The following PDE8B variants were observed in gnomAD, a reference collection of about 807,000 sequenced individuals.
PDE8B encodes the protein phosphodiesterase 8B, also known as high affinity cAMP-specific and IBMX-insensitive 3',5'-cyclic phosphodiesterase 8B.
In PDE8B, 26 loss-of-function variants were observed where a neutral mutation model predicts 101.3. The observed-to-expected ratio is 0.26, with a 90% CI of 0.19 to 0.36. The LOEUF (loss-of-function observed/expected upper bound fraction) is 0.36. Among genes scored for constraint, PDE8B ranks in the 10% least tolerant of loss-of-function variants. PDE8B has a pLI of 1.00. For missense variants in PDE8B, 810 were observed against 1,163.1 expected, an observed-to-expected ratio of 0.70 and a Z score of 4.42; for synonymous variants, 424 against 429.3, an observed-to-expected ratio of 0.99 and a Z score of 0.15.
the PDE8B span, among the ~76,000 whole-genome samples, chr5:77,182,539 C>G: frequency 2.0e-5 from 3 of 152,138 alleles, no homozygotes; most frequent in Non-Finnish European, 4.4e-5. Context: ...AAGCCCCACA[C>G]TAACCCCTCA....
chr5:77,425,753 GTT>G lies in PDE8B; in HGVS notation c.2419-9_2419-8del. The G allele has an allele frequency of 6.2e-7, 1 of 1,613,648 alleles. No homozygotes were observed. The highest frequency in any genetic ancestry group is 1.1e-5 in the South Asian group (1 of 91,068). ...GCATGTCCTCCAGCCCTATGTGGTG[GTT>G]TTTTCTTACAGACTGATGAAGAGAA... On this transcript the variant is annotated splice_polypyrimidine_tract_variant and intron_variant, in intron 20 of 21. Coordinates refer to ENST00000264917, the MANE Select transcript of PDE8B (RefSeq NM_003719.5).
intron 1 of PDE8B, among the ~76,000 whole-genome samples, chr5:77,244,219 G>A (rs1228283218): frequency 1.3e-5 from 2 of 152,074 alleles, no homozygotes; most frequent in South Asian, 2.1e-4. Flanking sequence ...GGGGTAAACC[G>A]GTGGCAGCAG....
At chr5:77,310,673 C>T (rs551918609) in intron 1 of PDE8B, among the ~76,000 whole-genome samples, 2 of 152,262 alleles carry the variant, frequency 1.3e-5, no homozygotes, top group African/African-American at 4.8e-5. Flanking sequence ...GAACAGGCAT[C>T]CTTGCCCTCC....
At chr5:77,122,521 A>G in the PDE8B span, among the ~76,000 whole-genome samples, 2 of 152,222 alleles carry the variant, frequency 1.3e-5, no homozygotes, top group African/African-American at 4.8e-5. Flanking sequence ...GGCTCATTTG[A>G]TGGGAAATGC....
Position 77,421,964 on chromosome 5 carries a change from G to A in PDE8B, c.2394G>A (p.Arg798=). Residue 798 remains arginine (R), a synonymous_variant, in exon 20 of 22, where the codon AGG becomes AGA. Transcript: ENST00000264917. ...PLDLCIEWAG[R]ISEEYFAQTD... ...ACCTGTGCATTGAATGGGCTGGGAG[G>A]ATCTCTGAGGAGTATTTTGCACAGG... is the stretch of plus-strand genomic sequence containing the variant. 6.2e-6 allele frequency: 10 copies of A among 1,614,200 alleles called. No individual in the cohort carries two copies. Among genetic ancestry groups the A allele is most frequent in the Non-Finnish European group, 6.8e-6 (8 of 1,180,030 alleles).
intron 10 of PDE8B, among the ~76,000 whole-genome samples, chr5:77,374,958 TACACACAC>T (rs151289447): frequency 4.0e-5 from 6 of 150,468 alleles, no homozygotes; most frequent in African/African-American, 1.5e-4. Flanking sequence ...CAGAACCAGA[TACACACAC>T]ACACACACAC....
intron 1 of PDE8B, among the ~76,000 whole-genome samples, chr5:77,294,046 T>C (rs1034264864): frequency 6.6e-6 from 1 of 152,234 alleles, no homozygotes; most frequent in Non-Finnish European, 1.5e-5. Flanking sequence ...GTTTTTAATG[T>C]TAATATAATC....
the PDE8B span, among the ~76,000 whole-genome samples, chr5:77,161,978 AGT>A: frequency 5.3e-4 from 76 of 144,154 alleles, 2 homozygotes; most frequent in South Asian, 0.016. Context: ...TTTTTTTTTT[AGT>A]TTCAAGATAT....
In PDE8B at chr5:77,263,794, T is replaced by G. The variant is rs146797918; in HGVS notation, c.340-48200T>G. 2.2e-3 allele frequency among the ~76,000 whole-genome samples: 331 copies of G among 152,290 alleles called. 2 individuals are homozygous for G. The highest frequency in any genetic ancestry group is 7.7e-3 in the African/African-American group (318 of 41,566). On this transcript the variant is annotated intron_variant, in intron 1 of 21. Coordinates refer to ENST00000264917, the MANE Select transcript of PDE8B (RefSeq NM_003719.5). ...TTATAGCAAGTTTATTGAGAAATAATTTACCACCATACAGTTCACCCCTTT... is the reference window on the plus strand; with the variant it reads ...TTATAGCAAGTTTATTGAGAAATAAGTTACCACCATACAGTTCACCCCTTT...
chr5:77,408,424 G>A (rs1415477914), intron 13 of PDE8B, among the ~76,000 whole-genome samples: 1 of 152,172 alleles, frequency 6.6e-6, no homozygotes, highest in East Asian at 1.9e-4. Flanking sequence ...AGGGGAACAA[G>A]ACTGCAGTTT....
At chr5:77,290,659 G>A in intron 1 of PDE8B, 1 of 1,507,682 alleles carries the variant, frequency 6.6e-7, no homozygotes, top group Non-Finnish European at 9.2e-7. Context: ...TATGCTGTTG[G>A]TTTATCAAGG....
chr5:77,194,692 A>T, the PDE8B span, among the ~76,000 whole-genome samples: 2 of 152,190 alleles, frequency 1.3e-5, no homozygotes, highest in Non-Finnish European at 2.9e-5. Flanking sequence ...ATGGAATCAT[A>T]ATAGTGGCCT....
At chr5:77,341,370 A>G (rs529422011) in intron 6 of PDE8B, among the ~76,000 whole-genome samples, 8 of 152,302 alleles carry the variant, frequency 5.3e-5, no homozygotes, top group African/African-American at 1.9e-4. Flanking sequence ...TGAAAATTTC[A>G]TGCTTTGTGG....
At chr5:77,326,942 A>G (rs563645991) in intron 3 of PDE8B, among the ~76,000 whole-genome samples, 1 of 152,348 alleles carries the variant, frequency 6.6e-6, no homozygotes, top group South Asian at 2.1e-4. Context: ...TTTAGCAGAT[A>G]AGCTTTACAT....
chr5:77,395,655 C>T (rs2150961898), intron 10 of PDE8B, among the ~76,000 whole-genome samples: 1 of 152,178 alleles, frequency 6.6e-6, no homozygotes, highest in East Asian at 1.9e-4. Flanking sequence ...GAAGTTGAGA[C>T]AGCAAATTTG....
intron 1 of PDE8B, among the ~76,000 whole-genome samples, chr5:77,297,428 AC>A (rs1768847763): frequency 1.3e-5 from 2 of 152,148 alleles, no homozygotes; most frequent in South Asian, 4.2e-4. Context: ...CAGTCATTAC[AC>A]ACTGGGCCCA....
chr5:77,189,580 G>A, the PDE8B span, among the ~76,000 whole-genome samples: 1 of 152,320 alleles, frequency 6.6e-6, no homozygotes, highest in East Asian at 1.9e-4. Context: ...ATTTGTGAAA[G>A]AATATTTCAA....
At chr5:77,241,723 G>A (rs927697026) in intron 1 of PDE8B, among the ~76,000 whole-genome samples, 6 of 152,210 alleles carry the variant, frequency 3.9e-5, no homozygotes, top group African/African-American at 1.2e-4. Context: ...TTCAAGCAAA[G>A]TTCACGTTGG....
intron 1 of PDE8B, among the ~76,000 whole-genome samples, chr5:77,279,761 A>T (rs551603724): frequency 1.6e-4 from 25 of 152,316 alleles, no homozygotes; most frequent in African/African-American, 4.3e-4. Flanking sequence ...CTGCACTTGA[A>T]TTACCTCCTG....
Sources: gnomAD v4.1 joint callset for allele counts (sites outside exome capture counted in the v4.1 genomes callset) on GRCh38, gnomAD v4.1.1 for gene constraint, MANE v1.5 for transcripts, NCBI Gene and HGNC (gene_info 2026-07-23, HGNC 2026-07-21) for gene names.